NKD1: variants seen among roughly 807,000 people sequenced by gnomAD.
NKD1 encodes the protein protein naked cuticle homolog 1.
In NKD1, 21 loss-of-function variants were observed where a neutral mutation model predicts 56.0. The observed-to-expected ratio is 0.38, with a 90% confidence interval of 0.27 to 0.54. The LOEUF is 0.54. Ranked by LOEUF, NKD1 falls within the 20% of genes least tolerant of loss-of-function variation. The pLI is 0.82. For missense variants in NKD1, 578 were observed against 642.7 expected (o/e 0.90, Z 1.09); for synonymous variants, 263 against 265.7 (o/e 0.99, Z 0.10).
rs115439622 is a variant in NKD1 at position 50,621,820 on chromosome 16, C to T, written c.366+112C>T. On this transcript the variant is annotated intron_variant, in intron 5 of 9. Coordinates refer to ENST00000268459, the MANE Select transcript of NKD1 (RefSeq NM_033119.5). ...TCCAGACAGGAAGGCCCCTCCCCTG[C>T]ATGAACAGCACCCTCTGTGGGAGGT... 323 of 751,620 alleles carry T rather than the reference C, an allele frequency of 4.3e-4. No homozygotes were observed. The African/African-American group carries it at 4.8e-3, about 11-fold the overall frequency. The allele number at this position is 751,620 out of a possible 1,614,324, so 46.6% of individuals were successfully genotyped here.
chr16:50,597,884 C>T (rs1961507709), intron 3 of NKD1, among the ~76,000 whole-genome samples: 1 of 152,170 alleles, frequency 6.6e-6, no homozygotes, highest in Admixed American at 6.5e-5. Context: ...CTGGAAGCCG[C>T]CAGTGTGACC....
intron 4 of NKD1, among the ~76,000 whole-genome samples, chr16:50,618,377 C>A (rs1292483513): frequency 6.6e-6 from 1 of 152,194 alleles, no homozygotes; most frequent in Non-Finnish European, 1.5e-5. Flanking sequence ...TTGCAATCCC[C>A]CTTGGTGTGG....
rs80007850 is a variant in NKD1 at position 50,619,602 on chromosome 16, C to T, written c.260-2000C>T. On this transcript the variant is annotated intron_variant, in intron 4 of 9. Transcript: ENST00000268459. Reference sequence around the variant, plus strand: ...ACTTAGCTGCTAACTGAGCTGTTCCCAGGAGTCAGTGGGGTGGGGCCATCA... The same window carrying T: ...ACTTAGCTGCTAACTGAGCTGTTCCTAGGAGTCAGTGGGGTGGGGCCATCA... Among the ~76,000 whole-genome samples, 1,490 of 152,296 alleles carry T rather than the reference C, an allele frequency of 9.8e-3. 17 individuals are homozygous for T. The highest frequency in any genetic ancestry group is 0.033 in the African/African-American group (1,376 of 41,562).
chr16:50,628,926 T>A (rs530422600), intron 6 of NKD1, among the ~76,000 whole-genome samples: 55 of 151,010 alleles, frequency 3.6e-4, no homozygotes, highest in Non-Finnish European at 6.5e-4. Context: ...TGCCCTCATG[T>A]GGTGGAGAGA....
At position 50,549,552 on chromosome 16, in the gene NKD1, C is replaced by A; in HGVS notation, c.189C>A (p.Thr63=). Residue 63 remains threonine (T), a synonymous_variant, in exon 3 of 10, where the codon ACC becomes ACA. Transcript: ENST00000268459. ...TGGCGGGCACCATAGGCCGAAGCACCCGGGTATGATTCCCCACCCCTGCCC... is the reference window on the plus strand; with the variant it reads ...TGGCGGGCACCATAGGCCGAAGCACACGGGTATGATTCCCCACCCCTGCCC... ...LRLAGTIGRS[T]RELVGDVLRD... 3 of 1,585,196 alleles carry A rather than the reference C, an allele frequency of 1.9e-6. No homozygotes were observed. The highest frequency in any genetic ancestry group is 1.7e-4 in the Middle Eastern group (1 of 5,962).
chr16:50,606,738 C>T (rs372588154), intron 3 of NKD1: 25 of 449,282 alleles, frequency 5.6e-5, no homozygotes, highest in East Asian at 2.8e-4. Flanking sequence ...CGCAGAGCCC[C>T]GCTCTGCAGA....
rs1962587263 is a variant in NKD1 at position 50,641,934 on chromosome 16, G to A, written c.*8153G>A. On this transcript the variant is annotated 3_prime_UTR_variant, in exon 10 of 10. Transcript: ENST00000268459. ...CAGCACTCCTTAAACAGCCAAGACAGGTGGAAAGCCCCAACTCAAAAGACT... is the reference window on the plus strand; with the variant it reads ...CAGCACTCCTTAAACAGCCAAGACAAGTGGAAAGCCCCAACTCAAAAGACT... 1 of 152,264 alleles carries A rather than the reference G, an allele frequency of 6.6e-6. No individual in the cohort carries two copies. Among genetic ancestry groups the A allele is most frequent in the Non-Finnish European group, 1.5e-5 (1 of 68,088 alleles). The allele number at this position is 152,264 out of a possible 1,614,324, so 9.4% of individuals were successfully genotyped here.
In NKD1 at chr16:50,646,446, G is replaced by C. The variant is rs1051492658; in HGVS notation, c.*12665G>C. 4 of 152,204 alleles carry C rather than the reference G, an allele frequency of 2.6e-5. No individual in the cohort carries two copies. Among genetic ancestry groups the C allele is most frequent in the Admixed American group, 2.0e-4 (3 of 15,264 alleles). The allele number at this position is 152,204 out of a possible 1,614,324, so 9.4% of individuals were successfully genotyped here. Reference sequence around the variant, plus strand: ...ACATGGCAAAAACGGGACAGAAATTGATTTTTATGAAAGAAGAAATTGATG... The same window carrying C: ...ACATGGCAAAAACGGGACAGAAATTCATTTTTATGAAAGAAGAAATTGATG... On this transcript the variant is annotated 3_prime_UTR_variant, in exon 10 of 10. Coordinates refer to ENST00000268459, the MANE Select transcript of NKD1 (RefSeq NM_033119.5).
rs1375209136 is a variant in NKD1 at position 50,642,957 on chromosome 16, T to G, written c.*9176T>G. On this transcript the variant is annotated 3_prime_UTR_variant, in exon 10 of 10. Coordinates refer to ENST00000268459, the MANE Select transcript of NKD1 (RefSeq NM_033119.5). The stretch of plus-strand genomic sequence containing the variant: ...GCTGTCTCTGGCCTTCAGTACCATA[T>G]TTGTATTATGAAACTGCCCTTGGCT... 6.6e-6 allele frequency: 1 copy of G among 152,256 alleles called. No individual in the cohort carries two copies. Among genetic ancestry groups the G allele is most frequent in the African/African-American group, 2.4e-5 (1 of 41,438 alleles). The allele number at this position is 152,256 out of a possible 1,614,324, so 9.4% of individuals were successfully genotyped here. A position where few individuals can be genotyped will look rare whatever the true frequency, so the allele number is the denominator to read the frequency against.
At position 50,638,608 on chromosome 16, in the gene NKD1, G is replaced by A. The variant is rs1462385305; in HGVS notation, c.*4827G>A. 6.6e-6 allele frequency: 1 copy of A among 152,246 alleles called. No homozygotes were observed. Among genetic ancestry groups the A allele is most frequent in the African/African-American group, 2.4e-5 (1 of 41,448 alleles). The allele number at this position is 152,246 out of a possible 1,614,324, so 9.4% of individuals were successfully genotyped here. ...CACTTGCCACAGTCAGGACCTTTGT[G>A]TGGGGCTCTGATCTGATGTTCGGTC... On this transcript the variant is annotated 3_prime_UTR_variant, in exon 10 of 10. Coordinates refer to ENST00000268459, the MANE Select transcript of NKD1 (RefSeq NM_033119.5).
In NKD1 at chr16:50,549,560, G is replaced by A; in HGVS notation, c.192+5G>A. 1 of 1,577,058 alleles carries A rather than the reference G, an allele frequency of 6.3e-7. No individual in the cohort carries two copies. The highest frequency in any genetic ancestry group is 8.6e-7 in the Non-Finnish European group (1 of 1,158,976). ...ACCATAGGCCGAAGCACCCGGGTAT[G>A]ATTCCCCACCCCTGCCCCACCTCCT... On this transcript the variant is annotated splice_donor_5th_base_variant and intron_variant, in intron 3 of 9. Transcript: ENST00000268459.
chr16:50,620,770 G>A (rs1012890064), intron 4 of NKD1, among the ~76,000 whole-genome samples: 3 of 152,244 alleles, frequency 2.0e-5, no homozygotes, highest in East Asian at 1.9e-4. Context: ...GATGCTACCC[G>A]GAGCTGGCAT....
chr16:50,611,898 T>G (rs1162152318), intron 4 of NKD1, among the ~76,000 whole-genome samples: 1 of 152,166 alleles, frequency 6.6e-6, no homozygotes, highest in Non-Finnish European at 1.5e-5. Flanking sequence ...ACAGAGTAAG[T>G]GCCCAGCACA....
chr16:50,569,044 ATCTGGTTC>A (rs1349778936), intron 3 of NKD1, among the ~76,000 whole-genome samples: 2 of 152,180 alleles, frequency 1.3e-5, no homozygotes, highest in African/African-American at 2.4e-5. Flanking sequence ...GGGAGAGTTT[ATCTGGTTC>A]TCTGGGAGAT....
At chr16:50,618,348 C>G (rs1363079077) in intron 4 of NKD1, among the ~76,000 whole-genome samples, 1 of 152,152 alleles carries the variant, frequency 6.6e-6, no homozygotes, top group Non-Finnish European at 1.5e-5. Flanking sequence ...GGTGCCAAAG[C>G]TGATCTCAAC....
At chr16:50,622,757 G>T (rs1962121071) in intron 5 of NKD1, among the ~76,000 whole-genome samples, 4 of 152,168 alleles carry the variant, frequency 2.6e-5, no homozygotes, top group Admixed American at 1.3e-4. Context: ...ATGCTGATTG[G>T]CACCGGCTAA....
At chr16:50,616,087 G>A (rs995847421) in intron 4 of NKD1, 6 of 455,794 alleles carry the variant, frequency 1.3e-5, no homozygotes, top group African/African-American at 1.2e-4. Flanking sequence ...ATCTTGGCAA[G>A]CAACCCTGAG....
At chr16:50,563,007 A>G (rs1010291889) in intron 3 of NKD1, among the ~76,000 whole-genome samples, 2 of 106,190 alleles carry the variant, frequency 1.9e-5, no homozygotes, top group Non-Finnish European at 3.6e-5. Context: ...CCGCCGTAGA[A>G]TGGGTAGAAG....
rs182428576 is a variant in NKD1 at position 50,605,105 on chromosome 16, G to A, written c.193-3189G>A. On this transcript the variant is annotated intron_variant, in intron 3 of 9. Coordinates refer to ENST00000268459, the MANE Select transcript of NKD1 (RefSeq NM_033119.5). Reference sequence around the variant, plus strand: ...TCTGAAGGAGCTGGCTCAAGTCCCCGCTCCGCCCCTTGCTGGCAGGTGATC... The same window carrying A: ...TCTGAAGGAGCTGGCTCAAGTCCCCACTCCGCCCCTTGCTGGCAGGTGATC... Among the ~76,000 whole-genome samples, 374 of 152,302 alleles carry A rather than the reference G, an allele frequency of 2.5e-3. 2 individuals carry two copies. The highest frequency in any genetic ancestry group is 5.4e-3 in the Admixed American group (82 of 15,302).
Sources: allele counts gnomAD v4.1 joint callset (sites outside exome capture counted in the v4.1 genomes callset), GRCh38; gene constraint gnomAD v4.1.1; transcripts MANE v1.5; gene names NCBI Gene and HGNC (gene_info 2026-07-23, HGNC 2026-07-21).